MACROH2A1: variants seen among roughly 807,000 people sequenced by gnomAD.
MACROH2A1 encodes core histone macro-H2A.1.
In MACROH2A1, 2 loss-of-function variants were observed where a neutral mutation model predicts 31.6. The ratio of observed to expected loss-of-function variants is 0.06; its 90% CI spans 0.03 to 0.20. The LOEUF is 0.20. MACROH2A1 is among the 10% of genes least tolerant of loss of function. The pLI is 1.00. For missense variants in MACROH2A1, 230 were observed against 474.0 expected (o/e 0.49, Z 4.78); for synonymous variants, 169 against 189.6 (o/e 0.89, Z 0.89).
chr5:135,351,138 G>A (rs1171527496), intron 6 of MACROH2A1: 2 of 419,356 alleles, frequency 4.8e-6, no homozygotes, highest in Non-Finnish European at 8.6e-6. Context: ...TGAATGAGAA[G>A]TCCAAAAAAA....
At chr5:135,367,659 C>T (rs895728183) in intron 4 of MACROH2A1, among the ~76,000 whole-genome samples, 6 of 152,180 alleles carry the variant, frequency 3.9e-5, no homozygotes, top group African/African-American at 1.2e-4. Flanking sequence ...CAACAGTGAA[C>T]GCATGAAGGA....
intron 2 of MACROH2A1, among the ~76,000 whole-genome samples, chr5:135,375,501 C>T (rs1241465875): frequency 6.6e-6 from 1 of 152,154 alleles, no homozygotes; most frequent in African/African-American, 2.4e-5. Context: ...TAAAACATAT[C>T]TGTTGTATTG....
chr5:135,338,194 T>A (rs1459690958), intron 8 of MACROH2A1, among the ~76,000 whole-genome samples: 1 of 152,112 alleles, frequency 6.6e-6, no homozygotes, highest in Non-Finnish European at 1.5e-5. Flanking sequence ...CAGACCCAGG[T>A]CTGCCTCTGA....
chr5:135,358,613 T>C, intron 5 of MACROH2A1: 2 of 985,202 alleles, frequency 2.0e-6, no homozygotes, highest in Non-Finnish European at 2.4e-6. Flanking sequence ...TTTCAAATTT[T>C]CCTTCCAAAA....
chr5:135,359,598 T>C (rs1178158270), intron 5 of MACROH2A1: 2 of 984,562 alleles, frequency 2.0e-6, no homozygotes, highest in Non-Finnish European at 2.4e-6. Context: ...GGAGGAGAAC[T>C]TGCAATGACG....
At chr5:135,350,733 A>G in intron 6 of MACROH2A1, 1 of 756,484 alleles carries the variant, frequency 1.3e-6, no homozygotes, top group Non-Finnish European at 2.3e-6. Flanking sequence ...AAATGAATGC[A>G]GCCCTGCATA....
rs561691126 is a variant in MACROH2A1, at chr5:135,367,005, T to C, written c.477+2401A>G. ...ACTACAGCTGACTCAGCTGTCACAA[T>C]TGGAGATTTTCAAAACCTCCAAATT... On this transcript the variant is annotated intron_variant, in intron 4 of 8. Transcript: ENST00000511689. Among the ~76,000 whole-genome samples the C allele has an allele frequency of 6.6e-5, 10 of 152,296 alleles. No homozygotes were observed. In the East Asian group the frequency reaches 7.7e-4, roughly 12 times the overall value.
chr5:135,348,036 A>G (rs1761070054), intron 6 of MACROH2A1, among the ~76,000 whole-genome samples: 1 of 152,228 alleles, frequency 6.6e-6, no homozygotes, highest in South Asian at 2.1e-4. Context: ...TAAAATTTTT[A>G]CTTATAAATA....
chr5:135,340,131 T>A (rs973288785), intron 8 of MACROH2A1, among the ~76,000 whole-genome samples: 1 of 152,080 alleles, frequency 6.6e-6, no homozygotes, highest in Non-Finnish European at 1.5e-5. Flanking sequence ...CCAATGGAGA[T>A]GGGAGGCAGG....
intron 2 of MACROH2A1, among the ~76,000 whole-genome samples, chr5:135,386,260 T>G (rs949355654): frequency 1.3e-5 from 2 of 152,062 alleles, no homozygotes; most frequent in Admixed American, 1.3e-4. Context: ...TCCTCTCCCA[T>G]CACAAAACAG....
intron 7 of MACROH2A1, chr5:135,343,907 C>G: frequency 5.6e-6 from 1 of 178,808 alleles, no homozygotes; most frequent in Admixed American, 5.4e-5. Flanking sequence ...ATCTCCCAAA[C>G]CCAATTCAGG....
At chr5:135,351,261 C>A in intron 6 of MACROH2A1, 1 of 168,582 alleles carries the variant, frequency 5.9e-6, no homozygotes, top group Non-Finnish European at 1.3e-5. Flanking sequence ...GCTACTAAAA[C>A]ATGGCATCTG....
At chr5:135,341,184 A>G (rs1364823541) in intron 8 of MACROH2A1, among the ~76,000 whole-genome samples, 6 of 152,236 alleles carry the variant, frequency 3.9e-5, no homozygotes, top group Non-Finnish European at 1.5e-5. Context: ...CCTCAGAACC[A>G]TTTGTGAGGA....
intron 6 of MACROH2A1, 21 bp from the exon 7 acceptor site, chr5:135,346,078 G>A (rs1760790489): frequency 1.3e-6 from 2 of 1,529,152 alleles, no homozygotes; most frequent in Middle Eastern, 1.7e-4. Context: ...ACAGGGTGGG[G>A]TCAGGTTGCC....
At chr5:135,392,021 C>T (rs370281612) in intron 1 of MACROH2A1, among the ~76,000 whole-genome samples, 83 of 152,356 alleles carry the variant, frequency 5.4e-4, no homozygotes, top group African/African-American at 1.9e-3. Context: ...GCTCACATGC[C>T]TCAGGCCACC....
chr5:135,397,989 T>C (rs958158821), intron 1 of MACROH2A1, among the ~76,000 whole-genome samples: 2 of 152,206 alleles, frequency 1.3e-5, no homozygotes, highest in Admixed American at 6.5e-5. Context: ...CCCCCTCTAA[T>C]TGTCTATTCT....
chr5:135,353,301 G>A (rs1224924047), intron 5 of MACROH2A1: 4 of 457,038 alleles, frequency 8.8e-6, no homozygotes, highest in Non-Finnish European at 1.6e-5. Flanking sequence ...ACAAGCCACA[G>A]TGGACGAGGA....
In MACROH2A1 at chr5:135,369,320, A is replaced by AG. The variant is rs149727793; in HGVS notation, c.477+85dup. 3,546 of 1,064,634 alleles carry AG rather than the reference A, an allele frequency of 3.3e-3. 17 individuals carry two copies. Among genetic ancestry groups the AG allele is most frequent in the South Asian group, 8.3e-3 (633 of 76,268 alleles). The allele number at this position is 1,064,634 out of a possible 1,614,324, so 65.9% of individuals were successfully genotyped here. On this transcript the variant is annotated intron_variant, in intron 4 of 8. Coordinates refer to ENST00000511689, the MANE Select transcript of MACROH2A1 (RefSeq NM_138610.3). This position sits in a 1 kb window ranked among gnomAD's most constrained non-coding sequence, Gnocchi z 4.3. ...TCTCCCATCAGTGGGATGAGCCCAC[A>AG]GGGGGAATGAGGGGGGTGCCCTGGT...
At chr5:135,355,351 G>A (rs1428930277) in intron 5 of MACROH2A1, 1 of 430,206 alleles carries the variant, frequency 2.3e-6, no homozygotes, top group Non-Finnish European at 4.7e-6. Flanking sequence ...GTACCTCAGG[G>A]AGCCACTACT....
Sources: gnomAD v4.1 joint callset for allele counts (sites outside exome capture counted in the v4.1 genomes callset) on GRCh38, gnomAD v4.1.1 for gene constraint, Gnocchi (gnomAD v3.1) non-coding constraint, MANE v1.5 for transcripts, NCBI Gene and HGNC (gene_info 2026-07-23, HGNC 2026-07-21) for gene names.